GNG12: variants seen among roughly 807,000 people sequenced by gnomAD.
GNG12 encodes G protein subunit gamma 12, also known as guanine nucleotide-binding protein G(I)/G(S)/G(O) subunit gamma-12.
For missense variants in GNG12, 69 were observed against 83.8 expected (o/e 0.82, Z 0.69); for synonymous variants, 28 against 29.7 (o/e 0.94, Z 0.19).
rs79710913 is a variant in GNG12, at chr1:67,807,629, G to A, written c.-77+25715C>T. Among the ~76,000 whole-genome samples the A allele has an allele frequency of 1.5e-4, 23 of 151,540 alleles. No individual in the cohort carries two copies. In the East Asian group the frequency reaches 4.5e-3, roughly 29 times the overall value. On this transcript the variant is annotated intron_variant, in intron 1 of 3. Coordinates refer to ENST00000370982, the MANE Select transcript of GNG12 (RefSeq NM_018841.6). Reference sequence around the variant, plus strand: ...ATTACCAATATTAGATATAAAGGAGGGGACACTACTACAGATCCCATATAC... The same window carrying A: ...ATTACCAATATTAGATATAAAGGAGAGGACACTACTACAGATCCCATATAC...
At chr1:67,833,032 G>A (rs527714004) in intron 1 of GNG12, among the ~76,000 whole-genome samples, 2 of 151,896 alleles carry the variant, frequency 1.3e-5, no homozygotes, top group African/African-American at 4.8e-5. Flanking sequence ...ACAGCCGTGG[G>A]GGCGGCTTCC....
Position 67,786,356 on chromosome 1 carries a change from G to A in GNG12, c.-76-8849C>T, listed in dbSNP as rs1646767320. On this transcript the variant is annotated intron_variant, in intron 1 of 3. Transcript: ENST00000370982. ...TTCCATAACATGCCCAGTGCCTTGT[G>A]GGACAAATTAAGACCTAACACTAAA... 2.0e-5 allele frequency among the ~76,000 whole-genome samples: 3 copies of A among 152,112 alleles called. No homozygotes were observed. The South Asian group carries it at 6.2e-4, about 32-fold the overall frequency.
At chr1:67,786,985 GTATGTA>G (rs1200295964) in intron 1 of GNG12, among the ~76,000 whole-genome samples, 3 of 118,976 alleles carry the variant, frequency 2.5e-5, no homozygotes, top group African/African-American at 9.7e-5. Context: ...GTGTGTGTGT[GTATGTA>G]TATATATGTG....
At chr1:67,791,650 A>G (rs1360652266) in intron 1 of GNG12, among the ~76,000 whole-genome samples, 1 of 152,064 alleles carries the variant, frequency 6.6e-6, no homozygotes, top group Non-Finnish European at 1.5e-5. Flanking sequence ...TACCTTCAAA[A>G]TACCTCCAGA....
intron 2 of GNG12, among the ~76,000 whole-genome samples, chr1:67,761,370 A>G (rs1200500825): frequency 6.6e-6 from 1 of 152,248 alleles, no homozygotes; most frequent in Non-Finnish European, 1.5e-5. Flanking sequence ...CAAGATAAAC[A>G]GAGAGGCTTC....
chr1:67,730,859 G>A (rs961929493), intron 2 of GNG12, among the ~76,000 whole-genome samples: 3 of 152,188 alleles, frequency 2.0e-5, no homozygotes, highest in Non-Finnish European at 2.9e-5. Flanking sequence ...TATTGTTTCA[G>A]AGTACTTTTT....
At chr1:67,802,858 C>T (rs1172824337) in intron 1 of GNG12, among the ~76,000 whole-genome samples, 1 of 152,216 alleles carries the variant, frequency 6.6e-6, no homozygotes, top group Non-Finnish European at 1.5e-5. Context: ...TGACCCTTGT[C>T]CTGGACATCT....
At chr1:67,731,749 G>T (rs1310570635) in intron 2 of GNG12, among the ~76,000 whole-genome samples, 2 of 152,220 alleles carry the variant, frequency 1.3e-5, no homozygotes, top group African/African-American at 4.8e-5. Flanking sequence ...GATCAGATAT[G>T]TGCCTTAGTA....
chr1:67,769,173 T>C (rs1350702152), intron 2 of GNG12, among the ~76,000 whole-genome samples: 1 of 152,214 alleles, frequency 6.6e-6, no homozygotes, highest in Admixed American at 6.5e-5. Flanking sequence ...CAACTTTAGC[T>C]GACCCAAGCA....
At chr1:67,820,443 G>A (rs1646978714) in intron 1 of GNG12, among the ~76,000 whole-genome samples, 1 of 151,936 alleles carries the variant, frequency 6.6e-6, no homozygotes, top group Non-Finnish European at 1.5e-5. Flanking sequence ...GAAGAGACAG[G>A]GCCTTTGTCC....
intron 2 of GNG12, among the ~76,000 whole-genome samples, chr1:67,720,862 A>G (rs942284672): frequency 1.3e-5 from 2 of 152,228 alleles, no homozygotes; most frequent in Non-Finnish European, 2.9e-5. Context: ...GATTATGCTT[A>G]TATCTGTCTT....
At chr1:67,831,255 T>C (rs1175297715) in intron 1 of GNG12, among the ~76,000 whole-genome samples, 1 of 152,238 alleles carries the variant, frequency 6.6e-6, no homozygotes, top group Non-Finnish European at 1.5e-5. Flanking sequence ...TAATTTGATA[T>C]TGGCTAACCA....
chr1:67,709,877 T>A (rs866960058), intron 2 of GNG12, among the ~76,000 whole-genome samples: 2 of 120,452 alleles, frequency 1.7e-5, no homozygotes, highest in Non-Finnish European at 3.2e-5. Flanking sequence ...TATATATATA[T>A]TTATATATAT....
chr1:67,812,273 C>A (rs1006818592), intron 1 of GNG12, among the ~76,000 whole-genome samples: 4 of 151,988 alleles, frequency 2.6e-5, no homozygotes, highest in Non-Finnish European at 5.9e-5. Context: ...TTCCAGATAC[C>A]ATAGATTATT....
chr1:67,795,525 T>C (rs1646826115), intron 1 of GNG12, among the ~76,000 whole-genome samples: 1 of 152,216 alleles, frequency 6.6e-6, no homozygotes, highest in Non-Finnish European at 1.5e-5. Flanking sequence ...AAGAATAAGA[T>C]GCTGTCTCAG....
chr1:67,714,994 C>T (rs1179640868), intron 2 of GNG12, among the ~76,000 whole-genome samples: 1 of 152,188 alleles, frequency 6.6e-6, no homozygotes, highest in Non-Finnish European at 1.5e-5. Flanking sequence ...GCGATCTCGG[C>T]TCACTGCAGC....
chr1:67,760,534 A>C (rs1279376901), intron 2 of GNG12, among the ~76,000 whole-genome samples: 3 of 152,200 alleles, frequency 2.0e-5, no homozygotes, highest in African/African-American at 7.2e-5. Context: ...GTTGCTCATG[A>C]CCAGGAAAAA....
At chr1:67,763,090 G>GGAGAGAGAGAGAGAGAGAGA (rs71064962) in intron 2 of GNG12, among the ~76,000 whole-genome samples, 14,340 of 116,026 alleles carry the variant, frequency 0.12, 1,485 homozygotes, top group Middle Eastern at 0.17. Context: ...TACCCTCCCA[G>GGAGAGAGAGAGAGAGAGAGA]GAGAGAGAGA....
At chr1:67,787,070 T>TGTGTGTG (rs1491226955) in intron 1 of GNG12, among the ~76,000 whole-genome samples, 75 of 139,562 alleles carry the variant, frequency 5.4e-4, no homozygotes, top group African/African-American at 2.0e-3. Context: ...TGTGTGTGTG[T>TGTGTGTG]ATAGTCCCCC....
Sources: gnomAD v4.1 joint callset for allele counts (sites outside exome capture counted in the v4.1 genomes callset) on GRCh38, gnomAD v4.1.1 for gene constraint, MANE v1.5 for transcripts, NCBI Gene and HGNC (gene_info 2026-07-23, HGNC 2026-07-21) for gene names.